Variants in CSNK2A2IP observed in about 807,000 individuals in gnomAD.
CSNK2A2IP encodes casein kinase 2 subunit alpha' interacting protein, also known as casein kinase II subunit alpha'-interacting protein.
chr3:88,347,964 A>T, the CSNK2A2IP span, among the ~76,000 whole-genome samples: 1 of 151,898 alleles, frequency 6.6e-6, no homozygotes, highest in Non-Finnish European at 1.5e-5. Flanking sequence ...ATGGGCTAAG[A>T]GAATATAAAG....
the CSNK2A2IP span, among the ~76,000 whole-genome samples, chr3:88,455,002 T>C: frequency 1.3e-5 from 2 of 152,038 alleles, no homozygotes; most frequent in East Asian, 1.9e-4. Context: ...TCTGAGTCTG[T>C]CTTATTTCAC....
chr3:88,407,140 C>G, the CSNK2A2IP span, among the ~76,000 whole-genome samples: 2 of 152,084 alleles, frequency 1.3e-5, no homozygotes, highest in Non-Finnish European at 2.9e-5. Flanking sequence ...AAAACAGGAG[C>G]TTTTCAATCC....
chr3:88,364,988 T>G, the CSNK2A2IP span, among the ~76,000 whole-genome samples: 1 of 152,192 alleles, frequency 6.6e-6, no homozygotes, highest in Non-Finnish European at 1.5e-5. Context: ...TATGAGTATC[T>G]GCTAGATTAA....
At chr3:88,459,987 A>T in the CSNK2A2IP span, among the ~76,000 whole-genome samples, 1 of 152,102 alleles carries the variant, frequency 6.6e-6, no homozygotes, top group Non-Finnish European at 1.5e-5. Context: ...TAAACTTTGA[A>T]CTATTTTTAT....
chr3:88,442,108 T>TAGAA, the CSNK2A2IP span, among the ~76,000 whole-genome samples: 11 of 152,202 alleles, frequency 7.2e-5, no homozygotes, highest in Non-Finnish European at 7.3e-5. Context: ...CATTCTGGAT[T>TAGAA]AGAATTTGTG....
chr3:88,349,630 C>CT, the CSNK2A2IP span, among the ~76,000 whole-genome samples: 1 of 151,880 alleles, frequency 6.6e-6, no homozygotes, highest in African/African-American at 2.4e-5. Flanking sequence ...ATAATGACTT[C>CT]TTTTTTGGGG....
At chr3:88,410,017 C>T in the CSNK2A2IP span, among the ~76,000 whole-genome samples, 17 of 152,060 alleles carry the variant, frequency 1.1e-4, no homozygotes, top group African/African-American at 4.1e-4. Context: ...GACCTTTCAC[C>T]CAACAGTAGC....
At chr3:88,458,017 A>G in the CSNK2A2IP span, among the ~76,000 whole-genome samples, 9 of 151,538 alleles carry the variant, frequency 5.9e-5, no homozygotes, top group South Asian at 1.7e-3. Context: ...TCTCTCTTTC[A>G]TATGAGTTGT....
chr3:88,463,498 A>G, the CSNK2A2IP span, among the ~76,000 whole-genome samples: 1 of 152,180 alleles, frequency 6.6e-6, no homozygotes, highest in Non-Finnish European at 1.5e-5. Flanking sequence ...GGGTTGTAAT[A>G]ACAGACACTT....
chr3:88,344,606 T>C, the CSNK2A2IP span, among the ~76,000 whole-genome samples: 1 of 152,088 alleles, frequency 6.6e-6, no homozygotes, highest in East Asian at 1.9e-4. Context: ...TTTTAAAAAG[T>C]CTATGTAGTT....
chr3:88,458,118 T>G, the CSNK2A2IP span, among the ~76,000 whole-genome samples: 1 of 150,656 alleles, frequency 6.6e-6, no homozygotes, highest in Admixed American at 6.6e-5. Flanking sequence ...TCACCTCTCT[T>G]AATCCTGATA....
chr3:88,464,240 C>T, the CSNK2A2IP span, among the ~76,000 whole-genome samples: 1 of 151,518 alleles, frequency 6.6e-6, no homozygotes, highest in Admixed American at 6.6e-5. Context: ...GTGCAGCACA[C>T]CAGCATGGCA....
chr3:88,348,645 T>G, the CSNK2A2IP span, among the ~76,000 whole-genome samples: 2 of 152,086 alleles, frequency 1.3e-5, no homozygotes, highest in Non-Finnish European at 2.9e-5. Context: ...TTTTAGGGTT[T>G]CCTGAAAACC....
the CSNK2A2IP span, among the ~76,000 whole-genome samples, chr3:88,347,074 G>A: frequency 6.6e-6 from 1 of 151,988 alleles, no homozygotes; most frequent in Non-Finnish European, 1.5e-5. Context: ...AGACGTAGTG[G>A]AAATAGCAAG....
chr3:88,384,454 G>C, the CSNK2A2IP span, among the ~76,000 whole-genome samples: 75 of 152,200 alleles, frequency 4.9e-4, no homozygotes, highest in Admixed American at 1.1e-3. Flanking sequence ...CAAGTAAAAG[G>C]CTCTGAGGCT....
At chr3:88,406,400 TA>T in the CSNK2A2IP span, among the ~76,000 whole-genome samples, 5 of 152,206 alleles carry the variant, frequency 3.3e-5, no homozygotes, top group Admixed American at 6.5e-5. Context: ...GCAGTTGCTT[TA>T]AATGTTATCT....
At chr3:88,356,134 A>G in the CSNK2A2IP span, among the ~76,000 whole-genome samples, 1 of 152,142 alleles carries the variant, frequency 6.6e-6, no homozygotes, top group Non-Finnish European at 1.5e-5. Flanking sequence ...GAAATATACA[A>G]TAAGTTATTG....
At chr3:88,379,657 C>A in the CSNK2A2IP span, among the ~76,000 whole-genome samples, 4 of 151,928 alleles carry the variant, frequency 2.6e-5, no homozygotes, top group Non-Finnish European at 1.5e-5. Flanking sequence ...ATGTACAAAC[C>A]CACTCAGTTT....
At chr3:88,414,186 CATAT>C in the CSNK2A2IP span, among the ~76,000 whole-genome samples, 3 of 140,442 alleles carry the variant, frequency 2.1e-5, no homozygotes, top group African/African-American at 8.0e-5. Flanking sequence ...TAACAAGTAA[CATAT>C]ATATGTATAT....
Sources: gnomAD v4.1 joint callset for allele counts (sites outside exome capture counted in the v4.1 genomes callset) on GRCh38, gnomAD v4.1.1 for gene constraint, MANE v1.5 for transcripts, NCBI Gene and HGNC (gene_info 2026-07-23, HGNC 2026-07-21) for gene names.